The following C6orf58 variants were observed in gnomAD, a reference collection of about 807,000 sequenced individuals.
The protein encoded by C6orf58 is chromosome 6 open reading frame 58, also known as protein LEG1 homolog.
C6orf58 carries 30 observed loss-of-function variants against 37.0 expected under a neutral mutation model. That is an observed-to-expected ratio of 0.81 (90% CI 0.61 to 1.10). C6orf58 has a LOEUF of 1.10. Among genes scored for constraint, C6orf58 ranks in the 50% least tolerant of loss-of-function variants. C6orf58 has a pLI of 0.00. For synonymous variants in C6orf58, 143 were observed against 134.1 expected, an observed-to-expected ratio of 1.07 and a Z score of -0.46; for missense variants, 368 against 387.5, an observed-to-expected ratio of 0.95 and a Z score of 0.42.
At chr6:127,591,128 A>G (rs2114302981) in intron 5 of C6orf58, among the ~76,000 whole-genome samples, 1 of 152,218 alleles carries the variant, frequency 6.6e-6, no homozygotes, top group African/African-American at 2.4e-5. Flanking sequence ...GCTTCCCTTC[A>G]CACAATCAGT....
intron 4 of C6orf58, among the ~76,000 whole-genome samples, chr6:127,584,695 A>G (rs558093339): frequency 3.6e-4 from 54 of 150,662 alleles, no homozygotes; most frequent in African/African-American, 1.3e-3. Context: ...AATTGCTTGA[A>G]CCCGGGAGGC....
chr6:127,586,718 G>A (rs1295909576), intron 4 of C6orf58, among the ~76,000 whole-genome samples: 3 of 151,786 alleles, frequency 2.0e-5, no homozygotes, highest in African/African-American at 7.3e-5. Context: ...CAGAAGTGAA[G>A]GCCTGGCTGT....
intron 4 of C6orf58, among the ~76,000 whole-genome samples, chr6:127,584,208 A>G (rs1185446592): frequency 6.6e-6 from 1 of 152,222 alleles, no homozygotes; most frequent in Non-Finnish European, 1.5e-5. Context: ...TGAAGGTGGC[A>G]ATTGAATTAA....
chr6:127,583,564 G>T (rs1439557731), intron 4 of C6orf58, among the ~76,000 whole-genome samples: 3 of 152,148 alleles, frequency 2.0e-5, no homozygotes, highest in African/African-American at 7.2e-5. Context: ...TGGGTGTACA[G>T]TCCCAGGGGT....
At chr6:127,587,815 C>T (rs1229447444) in intron 4 of C6orf58, among the ~76,000 whole-genome samples, 1 of 152,198 alleles carries the variant, frequency 6.6e-6, no homozygotes, top group Non-Finnish European at 1.5e-5. Flanking sequence ...GCTTAACGTA[C>T]TGCTGGCATA....
At chr6:127,584,206 G>T (rs185785399) in intron 4 of C6orf58, among the ~76,000 whole-genome samples, 1 of 152,282 alleles carries the variant, frequency 6.6e-6, no homozygotes, top group African/African-American at 2.4e-5. Context: ...ACTGAAGGTG[G>T]CAATTGAATT....
At chr6:127,590,012 T>C in intron 4 of C6orf58, 75 bp from the exon 5 acceptor site, 2 of 954,858 alleles carry the variant, frequency 2.1e-6, no homozygotes, top group Non-Finnish European at 3.2e-6. Flanking sequence ...CAAGAACCAA[T>C]ATTTTCTGAA....
Position 127,591,523 on chromosome 6 carries a change from TC to T in C6orf58, c.914-19del. ...AAAATTTGCAAGAGTTTACATGTAATCATTTTGTATCTTTTACAGGTTATCT... is the reference window on the plus strand; with the variant it reads ...AAAATTTGCAAGAGTTTACATGTAATATTTTGTATCTTTTACAGGTTATCT... On this transcript the variant is annotated intron_variant, in intron 5 of 5. Coordinates refer to ENST00000329722, the MANE Select transcript of C6orf58 (RefSeq NM_001010905.3). 1 of 1,508,614 alleles carries T rather than the reference TC, an allele frequency of 6.6e-7. No homozygotes were observed. Among genetic ancestry groups the T allele is most frequent in the East Asian group, 2.6e-5 (1 of 38,600 alleles). 93.5% of individuals were successfully genotyped at this position (1,508,614 alleles called of 1,614,324 possible). A position where few individuals can be genotyped will look rare whatever the true frequency, so the allele number is the denominator to read the frequency against.
At position 127,580,336 on chromosome 6, in the gene C6orf58, G is replaced by C. The variant is rs1775035742; in HGVS notation, c.460G>C (p.Asp154His). 6.2e-7 allele frequency: 1 copy of C among 1,612,912 alleles called. No individual in the cohort carries two copies. Among genetic ancestry groups the C allele is most frequent in the Non-Finnish European group, 8.5e-7 (1 of 1,179,310 alleles). ...TTCTGGTGTAATGGGGATATCATCA[G>C]ACCAAGTCAGGCTTTTGCCCCCACC... ...VDSGVMGISS[D>H]QVRLLPPPKN... Residue 154 changes from aspartate (D) to histidine (H), a missense_variant, in exon 3 of 6, where the codon GAC (aspartate) becomes CAC (histidine). Physicochemically the swap from Asp to His is moderately conservative, Grantham distance 81. Coordinates refer to ENST00000329722, the MANE Select transcript of C6orf58 (RefSeq NM_001010905.3).
At chr6:127,584,664 C>T (rs1775088786) in intron 4 of C6orf58, among the ~76,000 whole-genome samples, 1 of 151,536 alleles carries the variant, frequency 6.6e-6, no homozygotes, top group Non-Finnish European at 1.5e-5. Context: ...GTACCAGCTA[C>T]TTGGGAGGCT....
At chr6:127,585,376 T>C (rs1282284638) in intron 4 of C6orf58, among the ~76,000 whole-genome samples, 1 of 152,092 alleles carries the variant, frequency 6.6e-6, no homozygotes, top group African/African-American at 2.4e-5. Flanking sequence ...CAAAATAGGA[T>C]CACAGATCAC....
chr6:127,591,542 G>A lies in C6orf58; in HGVS notation c.914-1G>A, dbSNP rs754408555. 2.0e-6 allele frequency: 3 copies of A among 1,519,132 alleles called. No homozygotes were observed. The highest frequency in any genetic ancestry group is 1.4e-5 in the African/African-American group (1 of 69,302). The allele number at this position is 1,519,132 out of a possible 1,614,324, so 94.1% of individuals were successfully genotyped here. On this transcript the variant is annotated splice_acceptor_variant, in intron 5 of 5. Transcript: ENST00000329722. LOFTEE classifies it high-confidence loss of function. ...ATGTAATCATTTTGTATCTTTTACA[G>A]GTTATCTTTGTACAGAAAAATCTAA...
At chr6:127,585,024 C>T (rs970756827) in intron 4 of C6orf58, among the ~76,000 whole-genome samples, 1 of 152,236 alleles carries the variant, frequency 6.6e-6, no homozygotes, top group East Asian at 1.9e-4. Flanking sequence ...CAATCAATCT[C>T]TTCCTAACAG....
At position 127,580,371 on chromosome 6, in the gene C6orf58, G is replaced by A; in HGVS notation, c.495G>A (p.Glu165=). The A allele has an allele frequency of 6.2e-7, 1 of 1,613,152 alleles. No individual in the cohort carries two copies. Among genetic ancestry groups the A allele is most frequent in the Non-Finnish European group, 8.5e-7 (1 of 1,179,330 alleles). ...QVRLLPPPKN[E]RKFCYDVSSC... is the part of the protein sequence containing the mutation. ...GGCTTTTGCCCCCACCCAAGAATGA[G>A]AGGAAGTTTTGTTATGATGTTTCTA... The change falls in exon 3 of 6, where the codon GAG becomes GAA. Residue 165 remains glutamate, a synonymous_variant. Coordinates refer to ENST00000329722, the MANE Select transcript of C6orf58 (RefSeq NM_001010905.3).
intron 5 of C6orf58, 53 bp downstream of exon 5, chr6:127,590,378 G>A (rs776628630): frequency 2.3e-5 from 25 of 1,085,676 alleles, no homozygotes; most frequent in Non-Finnish European, 3.1e-5. Context: ...TGAACAAATA[G>A]AGGAAGAAAT....
rs980084330 is a variant in C6orf58, at chr6:127,578,832, C to T, written c.388+60C>T. 14 of 1,266,558 alleles carry T rather than the reference C, an allele frequency of 1.1e-5. No homozygotes were observed. In the African/African-American group the frequency reaches 1.9e-4, roughly 17 times the overall value. 78.5% of individuals were successfully genotyped at this position (1,266,558 alleles called of 1,614,324 possible). A position where few individuals can be genotyped will look rare whatever the true frequency, so the allele number is the denominator to read the frequency against. On this transcript the variant is annotated intron_variant, in intron 2 of 5. Transcript: ENST00000329722. ...CTTTCCTGAAAGAAAGCATTCAAACCTAAAATCTTAGGGACAGAGACAGAA... is the reference window on the plus strand; with the variant it reads ...CTTTCCTGAAAGAAAGCATTCAAACTTAAAATCTTAGGGACAGAGACAGAA...
rs115724040 is a variant in C6orf58, at chr6:127,588,150, C to T, written c.675-1937C>T. On this transcript the variant is annotated intron_variant, in intron 4 of 5. Coordinates refer to ENST00000329722, the MANE Select transcript of C6orf58 (RefSeq NM_001010905.3). ...ACTGGGGAAGCTCAGCTCTGTTCCC[C>T]GTCTCATTCTACATCAGACAAGCCT... Among the ~76,000 whole-genome samples the T allele has an allele frequency of 9.3e-3, 1,411 of 152,274 alleles. 20 individuals carry two copies. The highest frequency in any genetic ancestry group is 0.032 in the African/African-American group (1,313 of 41,542).
intron 4 of C6orf58, among the ~76,000 whole-genome samples, chr6:127,583,188 T>C (rs1408936266): frequency 6.6e-6 from 1 of 152,190 alleles, no homozygotes; most frequent in East Asian, 1.9e-4. Flanking sequence ...TCTGAATATT[T>C]GAATCTAAAA....
intron 5 of C6orf58, among the ~76,000 whole-genome samples, 189 bp from the exon 6 acceptor site, chr6:127,591,354 G>A (rs111266086): frequency 0.014 from 2,067 of 152,160 alleles, 43 homozygotes; most frequent in African/African-American, 0.047. Context: ...GGTAAGTCAG[G>A]TATTGCCAAA....
Sources: allele counts gnomAD v4.1 joint callset (sites outside exome capture counted in the v4.1 genomes callset), GRCh38; gene constraint gnomAD v4.1.1; transcripts MANE v1.5; gene names NCBI Gene and HGNC (gene_info 2026-07-23, HGNC 2026-07-21).